WDR20: variants seen among roughly 807,000 people sequenced by gnomAD.
The protein encoded by WDR20 is WD repeat domain 20, also known as WD repeat-containing protein 20.
A neutral mutation model predicts 38.7 loss-of-function variants in WDR20; 3 were observed. The ratio of observed to expected loss-of-function variants is 0.08; its 90% CI spans 0.04 to 0.20. The LOEUF is 0.20. WDR20 is among the 10% of genes least tolerant of loss of function. The probability of loss-of-function intolerance (pLI) is 1.00; values close to 1 mark genes in which losing one functional copy is unlikely to be tolerated. For missense variants in WDR20, 559 were observed against 727.7 expected (o/e 0.77, Z 2.67); for synonymous variants, 298 against 285.6 (o/e 1.04, Z -0.44).
At chr14:102,193,298 C>T (rs1035728007) in intron 1 of WDR20, among the ~76,000 whole-genome samples, 5 of 152,192 alleles carry the variant, frequency 3.3e-5, no homozygotes, top group African/African-American at 4.8e-5. Context: ...ACTCGCAGCA[C>T]TCGGCTGAGC....
At chr14:102,175,390 TTA>T (rs2061834424) in intron 1 of WDR20, among the ~76,000 whole-genome samples, 1 of 152,238 alleles carries the variant, frequency 6.6e-6, no homozygotes, top group East Asian at 1.9e-4. Flanking sequence ...GGATTCTCTG[TTA>T]TGTTCCGTTG....
At chr14:102,148,375 T>C (rs1485740610) in intron 1 of WDR20, among the ~76,000 whole-genome samples, 5 of 151,816 alleles carry the variant, frequency 3.3e-5, no homozygotes, top group Non-Finnish European at 7.4e-5. Context: ...TGAGAGCTCA[T>C]CTCTACAAGA....
intron 1 of WDR20, among the ~76,000 whole-genome samples, chr14:102,166,157 G>A (rs149145081): frequency 0.014 from 1,583 of 116,666 alleles, 13 homozygotes; most frequent in Middle Eastern, 0.077. Context: ...GTACCACCAC[G>A]CCTGGCAGAG....
downstream of WDR20, among the ~76,000 whole-genome samples, chr14:102,211,501 G>A (rs1156872155): frequency 6.6e-6 from 1 of 152,170 alleles, no homozygotes; most frequent in Non-Finnish European, 1.5e-5. This position sits in a 1 kb window ranked among gnomAD's most constrained non-coding sequence, Gnocchi z 4.2. Flanking sequence ...TGAGTGTGAT[G>A]GCATGGCCGC....
chr14:102,177,258 C>T (rs1159437762), intron 1 of WDR20, among the ~76,000 whole-genome samples: 1 of 152,208 alleles, frequency 6.6e-6, no homozygotes, highest in African/African-American at 2.4e-5. Flanking sequence ...ACTCTTTTCT[C>T]AAGTGCCTTC....
downstream of WDR20, chr14:102,224,468 T>C (rs1326493633): frequency 2.4e-6 from 1 of 410,644 alleles, no homozygotes; most frequent in Non-Finnish European, 4.8e-6. Flanking sequence ...AGAATGTTTA[T>C]TTATTTTTTT....
rs917762324 is a variant in WDR20 at position 102,222,439 on chromosome 14, A to G, written c.1693-391A>G. ...CCGAGGGACTGGGTGTGCGGTCCAG[A>G]ACTGCGGTGCCCTGGGCTCAACCCT... On this transcript the variant is annotated intron_variant, in intron 3 of 3. Transcript: ENST00000335263. The surrounding 1 kb of genome is among the most constrained non-coding windows in gnomAD (Gnocchi z 4.4). Among the ~76,000 whole-genome samples the G allele has an allele frequency of 4.1e-4, 62 of 152,276 alleles. No homozygotes were observed. Among genetic ancestry groups the G allele is most frequent in the Middle Eastern group, 6.8e-3 (2 of 294 alleles).
chr14:102,169,175 A>T (rs1368639164), intron 1 of WDR20, among the ~76,000 whole-genome samples: 1 of 152,020 alleles, frequency 6.6e-6, no homozygotes, highest in Non-Finnish European at 1.5e-5. Context: ...CGCTCTGCTT[A>T]GAATCCTTAG....
intron 2 of WDR20, among the ~76,000 whole-genome samples, chr14:102,200,461 T>TGTGTGTG (rs201901921): frequency 1.1e-3 from 111 of 100,738 alleles, no homozygotes; most frequent in Non-Finnish European, 1.7e-3. Context: ...TTTTAAATTT[T>TGTGTGTG]TTTTTTTGTG....
downstream of WDR20, chr14:102,213,928 T>C: frequency 1.0e-6 from 1 of 985,412 alleles, no homozygotes; most frequent in Non-Finnish European, 1.2e-6. Flanking sequence ...TAGAAGCAGT[T>C]CACCAGTGGA....
Position 102,167,744 on chromosome 14 carries a change from T to C in WDR20, c.250-27194T>C, listed in dbSNP as rs931525026. On this transcript the variant is annotated intron_variant, in intron 1 of 2. Transcript: ENST00000342702. ...GTAGTAATTAAATAAGAAATTGAAA[T>C]GTAATGTCTCTTTACTCCCTACCCA... is the stretch of plus-strand genomic sequence containing the variant. The C allele has an allele frequency of 2.0e-5, 3 of 152,202 alleles. No individual in the cohort carries two copies. In the East Asian group the frequency reaches 5.8e-4, roughly 29 times the overall value. The allele number at this position is 152,202 out of a possible 1,614,324, so 9.4% of individuals were successfully genotyped here. A position where few individuals can be genotyped will look rare whatever the true frequency, so the allele number is the denominator to read the frequency against.
intron 2 of WDR20, among the ~76,000 whole-genome samples, chr14:102,197,240 T>C (rs1019243398): frequency 1.2e-4 from 19 of 152,318 alleles, no homozygotes; most frequent in Admixed American, 2.0e-4. Flanking sequence ...CAGAAACTCA[T>C]TGGTTACAGG....
chr14:102,208,752 G>A lies in WDR20; in HGVS notation c.582G>A (p.Lys194=). ...GTTAPHYQLL[K]QGESFAVHTC... Reference sequence around the variant, plus strand: ...CAGCCCCCCACTACCAGCTTCTGAAGCAGGGAGAGAGCTTTGCCGTGCACA... The same window carrying A: ...CAGCCCCCCACTACCAGCTTCTGAAACAGGGAGAGAGCTTTGCCGTGCACA... Residue 194 remains lysine, a synonymous_variant, in exon 3 of 3, where the codon AAG becomes AAA. Transcript: ENST00000342702. The surrounding 1 kb of genome is among the most constrained non-coding windows in gnomAD (Gnocchi z 5.6). 6.2e-7 allele frequency: 1 copy of A among 1,614,248 alleles called. No individual in the cohort carries two copies. Among genetic ancestry groups the A allele is most frequent in the African/African-American group, 1.3e-5 (1 of 75,064 alleles).
chr14:102,186,108 A>G (rs894755019), intron 1 of WDR20, among the ~76,000 whole-genome samples: 1 of 152,196 alleles, frequency 6.6e-6, no homozygotes, highest in Non-Finnish European at 1.5e-5. Context: ...CTGACTTCTT[A>G]TGTTTCTGAC....
At chr14:102,202,041 A>C (rs1567031129) in intron 2 of WDR20, among the ~76,000 whole-genome samples, 1 of 151,828 alleles carries the variant, frequency 6.6e-6, no homozygotes, top group Non-Finnish European at 1.5e-5. Context: ...CCCAGGGAGC[A>C]GGTCTCTTCC....
intron 1 of WDR20, among the ~76,000 whole-genome samples, chr14:102,149,015 T>C (rs936910014): frequency 6.6e-6 from 1 of 152,018 alleles, no homozygotes; most frequent in Non-Finnish European, 1.5e-5. Context: ...CAAAAAAATT[T>C]AGCTGGGTGT....
intron 2 of WDR20, among the ~76,000 whole-genome samples, chr14:102,198,830 G>A: frequency 6.6e-6 from 1 of 152,292 alleles, no homozygotes; most frequent in East Asian, 1.9e-4. Context: ...TGTGTTGGGT[G>A]AGACTGGGAA....
chr14:102,211,475 A>T (rs1332510750), downstream of WDR20, among the ~76,000 whole-genome samples: 3 of 151,984 alleles, frequency 2.0e-5, no homozygotes, highest in African/African-American at 7.3e-5. This position sits in a 1 kb window ranked among gnomAD's most constrained non-coding sequence, Gnocchi z 4.2. Flanking sequence ...GTGGGCCTTA[A>T]CGCAGTGGTT....
chr14:102,161,142 A>ATATATATATATATATATATATTTTTT, intron 1 of WDR20, among the ~76,000 whole-genome samples: 1 of 16,050 alleles, frequency 6.2e-5, no homozygotes, highest in African/African-American at 3.2e-4. Flanking sequence ...ATATATATAT[A>ATATATATATATATATATATATTTTTT]TTTTTTTTTT....
Sources: allele counts gnomAD v4.1 joint callset (sites outside exome capture counted in the v4.1 genomes callset), GRCh38; gene constraint gnomAD v4.1.1; non-coding constraint Gnocchi (gnomAD v3.1); transcripts MANE v1.5; gene names NCBI Gene and HGNC (gene_info 2026-07-23, HGNC 2026-07-21).